Variants in ARAP2 observed in about 807,000 individuals in gnomAD.
ARAP2 encodes arf-GAP with Rho-GAP domain, ANK repeat and PH domain-containing protein 2.
Under a neutral mutation model 194.5 loss-of-function variants are expected in ARAP2, and 148 were observed. The ratio of observed to expected loss-of-function variants is 0.76; its 90% CI spans 0.67 to 0.87. The LOEUF is 0.87. ARAP2 is among the 40% of genes least tolerant of loss of function. The pLI is 0.00. For missense variants in ARAP2, 2,128 were observed against 1,989.7 expected (o/e 1.07, Z -1.32); for synonymous variants, 695 against 683.5 (o/e 1.02, Z -0.26).
At chr4:36,094,152 T>C (rs1278642393) in intron 27 of ARAP2, among the ~76,000 whole-genome samples, 1 of 152,192 alleles carries the variant, frequency 6.6e-6, no homozygotes, top group East Asian at 1.9e-4. Flanking sequence ...TGCTTATTTT[T>C]ATATGGCCCA....
At chr4:36,037,662 G>T (rs1180472862) in intron 5 of ARAP2, among the ~76,000 whole-genome samples, 3 of 152,066 alleles carry the variant, frequency 2.0e-5, no homozygotes, top group Non-Finnish European at 4.4e-5. Flanking sequence ...CCTAGAACAG[G>T]ACTGGAGGGA....
intron 19 of ARAP2, among the ~76,000 whole-genome samples, chr4:36,146,509 T>C (rs991843287): frequency 6.6e-6 from 1 of 152,050 alleles, no homozygotes; most frequent in African/African-American, 2.4e-5. Flanking sequence ...CACAGCTTCC[T>C]TGCAGAACTT....
intron 28 of ARAP2, among the ~76,000 whole-genome samples, chr4:36,086,492 A>G (rs1711882336): frequency 6.6e-6 from 1 of 152,138 alleles, no homozygotes; most frequent in Non-Finnish European, 1.5e-5. Context: ...GAAACTGAAT[A>G]TTCATAAAGA....
At chr4:36,100,807 G>A (rs1464127690) in intron 27 of ARAP2, among the ~76,000 whole-genome samples, 3 of 151,520 alleles carry the variant, frequency 2.0e-5, no homozygotes, top group Admixed American at 1.3e-4. Flanking sequence ...AACACTAATG[G>A]GGGAGCATCT....
chr4:36,202,715 A>G (rs1345491389), intron 6 of ARAP2, among the ~76,000 whole-genome samples: 1 of 152,188 alleles, frequency 6.6e-6, no homozygotes, highest in Non-Finnish European at 1.5e-5. Context: ...ACCAGCTTCC[A>G]GTTAAAAATC....
In ARAP2 at chr4:36,115,461, T is replaced by C. The variant is rs548351324; in HGVS notation, c.4039-1174A>G. On this transcript the variant is annotated intron_variant, in intron 25 of 32. Coordinates refer to ENST00000303965, the MANE Select transcript of ARAP2 (RefSeq NM_015230.4). ...AATAATAAATTATTGAGAAACCCAC[T>C]TGTGAAACAGGCAGCAGGAAGCACC... Among the ~76,000 whole-genome samples the C allele has an allele frequency of 1.1e-4, 17 of 152,072 alleles. 1 individual carries two copies. The South Asian group carries it at 3.5e-3, about 32-fold the overall frequency.
intron 27 of ARAP2, among the ~76,000 whole-genome samples, chr4:36,106,123 A>C (rs1577904158): frequency 6.6e-6 from 1 of 150,420 alleles, no homozygotes; most frequent in South Asian, 2.2e-4. Context: ...AAATGTCTTA[A>C]GACATTGTAT....
At chr4:36,121,372 A>C in intron 22 of ARAP2, 46 bp from the exon 23 acceptor site, 1 of 1,495,008 alleles carries the variant, frequency 6.7e-7, no homozygotes, top group Non-Finnish European at 9.0e-7. Context: ...TTTATTTGGA[A>C]ATTTCATAGA....
At position 36,059,607 on chromosome 4, in the gene ARAP2, T is replaced by C. The variant is rs569878582; in HGVS notation, n.148-1464A>G. On this transcript the variant is annotated intron_variant and non_coding_transcript_variant, in intron 1 of 12. Coordinates refer to the ARAP2 transcript ENST00000503225. ...TAGATTCAGACTGAAGTTAAACATA[T>C]GGGTAGTGCAGAAGATATACTATAT... Among the ~76,000 whole-genome samples the C allele has an allele frequency of 3.3e-5, 5 of 152,254 alleles. No homozygotes were observed. The East Asian group carries it at 7.7e-4, about 23-fold the overall frequency.
chr4:36,139,835 G>A (rs1727811184), intron 19 of ARAP2, among the ~76,000 whole-genome samples: 1 of 151,466 alleles, frequency 6.6e-6, no homozygotes, highest in African/African-American at 2.4e-5. Context: ...AAATACTCAG[G>A]AATTACTCTG....
chr4:36,159,235 ATGGTTTCTCTTATT>A (rs1319658668), intron 14 of ARAP2, 82 bp downstream of exon 14: 1 of 1,264,998 alleles, frequency 7.9e-7, no homozygotes, highest in African/African-American at 1.5e-5. Context: ...CTTCATTCTG[ATGGTTTCTCTTATT>A]TGAAAAATCA....
Position 36,080,243 on chromosome 4 carries a change from C to T in ARAP2, c.4581G>A (p.Glu1527=), listed in dbSNP as rs1158945605. The T allele has an allele frequency of 6.2e-7, 1 of 1,613,280 alleles. No homozygotes were observed. The highest frequency in any genetic ancestry group is 8.5e-7 in the Non-Finnish European group (1 of 1,179,480). Reference sequence around the variant, plus strand: ...GGGCAATAAAGATACTGGTCATCCACTCCGTCTGAGTTCGTGAACTATCAC... The same window carrying T: ...GGGCAATAAAGATACTGGTCATCCATTCCGTCTGAGTTCGTGAACTATCAC... ...LCCDSSRTQT[E]WMTSIFIAQH... is the part of the protein sequence containing the mutation. Residue 1527 remains glutamate, a synonymous_variant, in exon 31 of 33, where the codon GAG becomes GAA. Coordinates refer to ENST00000303965, the MANE Select transcript of ARAP2 (RefSeq NM_015230.4).
intron 15 of ARAP2, among the ~76,000 whole-genome samples, chr4:36,151,719 T>A (rs1237440139): frequency 6.6e-5 from 10 of 152,186 alleles, no homozygotes; most frequent in African/African-American, 2.2e-4. Context: ...GGTAAAGTGG[T>A]ATCATGTCTG....
At chr4:36,017,298 C>T (rs1715998276) in intron 6 of ARAP2, among the ~76,000 whole-genome samples, 1 of 151,488 alleles carries the variant, frequency 6.6e-6, no homozygotes, top group Admixed American at 6.6e-5. Flanking sequence ...TCCTGTATGC[C>T]AATCACTTTT....
chr4:36,103,328 G>A (rs1368170067), intron 27 of ARAP2, among the ~76,000 whole-genome samples: 1 of 151,150 alleles, frequency 6.6e-6, no homozygotes, highest in Non-Finnish European at 1.5e-5. Flanking sequence ...TATTCTATTG[G>A]GATAATTTTC....
At chr4:36,154,671 A>C (rs911018381) in intron 15 of ARAP2, among the ~76,000 whole-genome samples, 1 of 152,214 alleles carries the variant, frequency 6.6e-6, no homozygotes, top group Non-Finnish European at 1.5e-5. Flanking sequence ...AGAGGCCAGA[A>C]AAACTTCAAA....
intron 1 of ARAP2, among the ~76,000 whole-genome samples, chr4:36,059,125 T>C (rs1359226311): frequency 1.3e-5 from 2 of 152,206 alleles, no homozygotes; most frequent in African/African-American, 4.8e-5. Flanking sequence ...AGGTGGTGCA[T>C]TGGAACAATC....
intron 5 of ARAP2, among the ~76,000 whole-genome samples, chr4:36,029,315 C>A (rs1718515170): frequency 6.6e-6 from 1 of 151,970 alleles, no homozygotes; most frequent in Admixed American, 6.6e-5. Flanking sequence ...ATAACTATAT[C>A]ATCATCGTAC....
In ARAP2 at chr4:36,099,676, C is replaced by T. The variant is rs569497077; in HGVS notation, c.4286-7656G>A. 5.3e-5 allele frequency among the ~76,000 whole-genome samples: 8 copies of T among 152,194 alleles called. No homozygotes were observed. The South Asian group carries it at 1.2e-3, about 24-fold the overall frequency. ...AATCTAGGCAAGAGCTGAAACAATA[C>T]GGTGACTAAGAGCACATTCTGGCGC... On this transcript the variant is annotated intron_variant, in intron 27 of 32. Coordinates refer to ENST00000303965, the MANE Select transcript of ARAP2 (RefSeq NM_015230.4).
Sources: gnomAD v4.1 joint callset for allele counts (sites outside exome capture counted in the v4.1 genomes callset) on GRCh38, gnomAD v4.1.1 for gene constraint, MANE v1.5 for transcripts, NCBI Gene and HGNC (gene_info 2026-07-23, HGNC 2026-07-21) for gene names.